The following PPCS variants were observed in gnomAD, a reference collection of about 807,000 sequenced individuals.
PPCS encodes the protein phosphopantothenoylcysteine synthetase.
A neutral mutation model predicts 24.6 loss-of-function variants in PPCS; 17 were observed. The ratio of observed to expected loss-of-function variants is 0.69; its 90% CI spans 0.47 to 1.04. PPCS has a LOEUF of 1.04. Among genes scored for constraint, PPCS ranks in the 50% least tolerant of loss-of-function variants. PPCS has a pLI of 0.00. For missense variants in PPCS, 360 were observed against 402.8 expected (o/e 0.89, Z 0.91); for synonymous variants, 190 against 168.3 (o/e 1.13, Z -1.00).
chr1:42,457,536 T>C (rs1569603567), intron 2 of PPCS, 186 bp downstream of exon 2: 2 of 612,012 alleles, frequency 3.3e-6, no homozygotes, highest in East Asian at 5.5e-5. Context: ...CAGACATAAT[T>C]ACAATACAGA....
chr1:42,464,444 A>G (rs1643503864), downstream of PPCS, among the ~76,000 whole-genome samples: 1 of 152,204 alleles, frequency 6.6e-6, no homozygotes, highest in Non-Finnish European at 1.5e-5. Context: ...TGGGGATATG[A>G]TGTAATTTTC....
At chr1:42,467,000 A>C (rs1643611183) in intron 2 of PPCS, among the ~76,000 whole-genome samples, 1 of 152,208 alleles carries the variant, frequency 6.6e-6, no homozygotes, top group Non-Finnish European at 1.5e-5. Context: ...TCCACTGGGA[A>C]AATGTTTGTT....
At chr1:42,472,962 G>A (rs1447120168) in intron 2 of PPCS, among the ~76,000 whole-genome samples, 2 of 152,116 alleles carry the variant, frequency 1.3e-5, no homozygotes, top group African/African-American at 4.8e-5. Context: ...ACATACATAA[G>A]TGTGATGAAG....
intron 2 of PPCS, chr1:42,459,155 CTTTT>C (rs11316113): frequency 9.7e-5 from 9 of 92,728 alleles, no homozygotes; most frequent in South Asian, 6.5e-4. Context: ...AGAGCCAAGG[CTTTT>C]TTTTTTTTTT....
downstream of PPCS, among the ~76,000 whole-genome samples, chr1:42,461,690 G>A (rs1372118364): frequency 2.0e-5 from 3 of 152,004 alleles, no homozygotes; most frequent in Non-Finnish European, 4.4e-5. Context: ...GGGACTACAG[G>A]CGCCCGCCAC....
rs544101357 is a variant in PPCS at position 42,460,225 on chromosome 1, A to G, written c.*299A>G. ...ATGTCAGCCATCTTTATACTATAGA[A>G]AAAGGATTATGGATGCATGAATGGT... is the stretch of plus-strand genomic sequence containing the variant. On this transcript the variant is annotated 3_prime_UTR_variant, in exon 3 of 3. Coordinates refer to ENST00000372561, the MANE Select transcript of PPCS (RefSeq NM_024664.4). 40 of 1,078,170 alleles carry G rather than the reference A, an allele frequency of 3.7e-5. No individual in the cohort carries two copies. In the African/African-American group the frequency reaches 6.6e-4, roughly 18 times the overall value. 66.8% of individuals were successfully genotyped at this position (1,078,170 alleles called of 1,614,324 possible).
chr1:42,459,872 G>A lies in PPCS; in HGVS notation c.882G>A (p.Lys294=), dbSNP rs2148421869. The change falls in exon 3 of 3, where the codon AAG becomes AAA. Residue 294 remains lysine (K), a synonymous_variant. Transcript: ENST00000372561. ...EIEKGVEIEE[K]IVDNLQSRHT... The stretch of plus-strand genomic sequence containing the variant: ...AAAAAGGCGTAGAGATAGAAGAGAA[G>A]ATAGTGGATAATCTTCAGTCTCGAC... The A allele has an allele frequency of 6.2e-6, 10 of 1,614,024 alleles. No individual in the cohort carries two copies. The highest frequency in any genetic ancestry group is 8.5e-6 in the Non-Finnish European group (10 of 1,179,972).
chr1:42,466,844 G>T (rs376641648), intron 2 of PPCS, among the ~76,000 whole-genome samples: 1 of 152,162 alleles, frequency 6.6e-6, no homozygotes, highest in Non-Finnish European at 1.5e-5. Flanking sequence ...GAGCCTCTGC[G>T]CCCGGCCAAG....
downstream of PPCS, among the ~76,000 whole-genome samples, chr1:42,463,006 GGCGGGAAGTTCTTTGA>G (rs1342562341): frequency 3.1e-3 from 471 of 152,322 alleles, 3 homozygotes; most frequent in African/African-American, 0.011. Context: ...GCTGAGTCCT[GGCGGGAAGTTCTTTGA>G]GAGCTAGAAC....
At position 42,459,699 on chromosome 1, in the gene PPCS, G is replaced by A. The variant is rs1482478128; in HGVS notation, c.709G>A (p.Ala237Thr). 12 of 1,613,994 alleles carry A rather than the reference G, an allele frequency of 7.4e-6. No homozygotes were observed. The highest frequency in any genetic ancestry group is 3.3e-5 in the Admixed American group (2 of 60,000). ...IISFKLETDP[A>T]IVINRARKAL... is the part of the protein sequence containing the mutation. ...TTCCTTTAAGTTGGAGACTGACCCC[G>A]CCATTGTAATTAATCGAGCTCGGAA... The change falls in exon 3 of 3, where the codon GCC (alanine) becomes ACC (threonine). Residue 237 changes from alanine to threonine, a missense_variant. Around this residue, in one of 2 missense-constraint regions of PPCS, gnomAD observed 116 missense variants for 168.1 expected, o/e 0.69. Transcript: ENST00000372561.
chr1:42,462,214 AG>A (rs936122606), downstream of PPCS, among the ~76,000 whole-genome samples: 2 of 152,094 alleles, frequency 1.3e-5, no homozygotes, highest in African/African-American at 4.8e-5. Context: ...TAAAAATTCC[AG>A]GGGGGTGGGG....
intron 2 of PPCS, among the ~76,000 whole-genome samples, chr1:42,471,721 G>A (rs1643776145): frequency 6.6e-6 from 1 of 152,142 alleles, no homozygotes; most frequent in African/African-American, 2.4e-5. Context: ...TATATGTCAT[G>A]AAGAGGACCT....
downstream of PPCS, among the ~76,000 whole-genome samples, chr1:42,465,955 A>G (rs1353378769): frequency 3.3e-5 from 5 of 152,152 alleles, no homozygotes; most frequent in Non-Finnish European, 5.9e-5. Context: ...AGTTATGTAC[A>G]TTTTGCCTTT....
At chr1:42,470,194 G>C (rs1427924150) in intron 2 of PPCS, among the ~76,000 whole-genome samples, 1 of 152,144 alleles carries the variant, frequency 6.6e-6, no homozygotes. Context: ...CTGGTAGTTT[G>C]AGAGAGGATG....
In PPCS at chr1:42,459,873, A is replaced by G. The variant is rs1246014000; in HGVS notation, c.883A>G (p.Ile295Val). 4 of 1,613,880 alleles carry G rather than the reference A, an allele frequency of 2.5e-6. No individual in the cohort carries two copies. In the African/African-American group the frequency reaches 5.3e-5, roughly 22 times the overall value. ...AAAAGGCGTAGAGATAGAAGAGAAG[A>G]TAGTGGATAATCTTCAGTCTCGACA... ...IEKGVEIEEK[I>V]VDNLQSRHTA... Residue 295 changes from isoleucine (I) to valine (V), a missense_variant, in exon 3 of 3, where the codon ATA becomes GTA. Around this residue, in one of 2 missense-constraint regions of PPCS, gnomAD observed 116 missense variants for 168.1 expected, o/e 0.69. Coordinates refer to ENST00000372561, the MANE Select transcript of PPCS (RefSeq NM_024664.4).
chr1:42,468,796 A>G lies in PPCS; in HGVS notation n.378-4326A>G, dbSNP rs531482076. The G allele has an allele frequency of 7.0e-4, 107 of 152,338 alleles. 1 individual carries two copies. Among genetic ancestry groups the G allele is most frequent in the African/African-American group, 1.7e-3 (72 of 41,574 alleles). The allele number at this position is 152,338 out of a possible 1,614,324, so 9.4% of individuals were successfully genotyped here. A position where few individuals can be genotyped will look rare whatever the true frequency, so the allele number is the denominator to read the frequency against. ...TTACCTGACTTGTGTAAGTCACACA[A>G]TTACAAAGTAGCGAAGCCAAGGTTT... On this transcript the variant is annotated intron_variant and non_coding_transcript_variant, in intron 2 of 2. Transcript: ENST00000471420.
chr1:42,469,204 C>T (rs1052755789), intron 2 of PPCS, among the ~76,000 whole-genome samples: 1 of 151,940 alleles, frequency 6.6e-6, no homozygotes, highest in East Asian at 1.9e-4. Context: ...CATATAAGAC[C>T]CTCGTCTCTA....
At chr1:42,472,618 G>A (rs1643807994) in intron 2 of PPCS, among the ~76,000 whole-genome samples, 1 of 151,364 alleles carries the variant, frequency 6.6e-6, no homozygotes, top group Admixed American at 6.6e-5. Flanking sequence ...TCAGATAAAA[G>A]TTGCAAACTT....
downstream of PPCS, among the ~76,000 whole-genome samples, chr1:42,462,805 TC>T (rs1643446174): frequency 6.6e-6 from 1 of 152,182 alleles, no homozygotes; most frequent in South Asian, 2.1e-4. Context: ...ACAATTCTAG[TC>T]AAGCCCAGTT....
Sources: allele counts gnomAD v4.1 joint callset (sites outside exome capture counted in the v4.1 genomes callset), GRCh38; gene constraint gnomAD v4.1.1; regional missense constraint gnomAD v4.1.1; transcripts MANE v1.5; gene names NCBI Gene and HGNC (gene_info 2026-07-23, HGNC 2026-07-21).